The following ZNF398 variants were observed in gnomAD, a reference collection of about 807,000 sequenced individuals.
ZNF398 encodes the protein zinc finger protein 398, also known as zinc finger DNA binding protein ZER6.
Under a neutral mutation model 41.9 loss-of-function variants are expected in ZNF398, and 18 were observed. That is an observed-to-expected ratio of 0.43 (90% confidence interval 0.30 to 0.64). The LOEUF is 0.64. Ranked by LOEUF, ZNF398 falls within the 30% of genes least tolerant of loss-of-function variation. ZNF398 has a pLI of 0.14. For missense variants in ZNF398, 669 were observed against 822.8 expected (o/e 0.81, Z 2.29); for synonymous variants, 260 against 308.8 (o/e 0.84, Z 1.66).
Position 149,134,064 on chromosome 7 carries a change from C to CT in ZNF398, c.-490+5137dup, listed in dbSNP as rs143211105. On this transcript the variant is annotated intron_variant, in intron 2 of 6. Transcript: ENST00000426851. Reference sequence around the variant, plus strand: ...CCGTGCTTGGCCATGCTGTTTTTGTCTTTTTTTTTTTTTTTTTGAGACGGA... The same window carrying CT: ...CCGTGCTTGGCCATGCTGTTTTTGTCTTTTTTTTTTTTTTTTTTGAGACGGA... Among the ~76,000 whole-genome samples the CT allele has an allele frequency of 8.1e-4, 104 of 128,528 alleles. 1 individual carries two copies. Among genetic ancestry groups the CT allele is most frequent in the African/African-American group, 1.4e-3 (49 of 34,322 alleles). The allele number at this position is 128,528 out of a possible 152,430, so 84.3% of individuals were successfully genotyped here. A position where few individuals can be genotyped will look rare whatever the true frequency, so the allele number is the denominator to read the frequency against.
chr7:149,159,628 A>G (rs60254196), intron 2 of ZNF398, among the ~76,000 whole-genome samples: 59,558 of 151,722 alleles, frequency 0.39, 14,513 homozygotes, highest in East Asian at 0.65. Context: ...AGCCTGGGCT[A>G]CAAAGTGAGA....
chr7:149,171,480 T>A (rs1395474958), intron 4 of ZNF398, among the ~76,000 whole-genome samples: 1 of 152,042 alleles, frequency 6.6e-6, no homozygotes, highest in Admixed American at 6.6e-5. Flanking sequence ...GTGATTCTCC[T>A]GCCTCAGCCT....
chr7:149,172,227 T>G (rs1795358969), intron 4 of ZNF398, among the ~76,000 whole-genome samples: 1 of 152,216 alleles, frequency 6.6e-6, no homozygotes, highest in African/African-American at 2.4e-5. Flanking sequence ...AACTGTGATC[T>G]GAAAATATTA....
At chr7:149,151,222 T>G (rs1182087684) in intron 1 of ZNF398, 2 of 1,215,378 alleles carry the variant, frequency 1.6e-6, no homozygotes, top group Admixed American at 5.8e-5. Context: ...CTTACTAATC[T>G]GCTTACAGGA....
chr7:149,175,406 G>A (rs1186621923), intron 4 of ZNF398, among the ~76,000 whole-genome samples: 1 of 151,942 alleles, frequency 6.6e-6, no homozygotes. Flanking sequence ...AGCTGTTTTG[G>A]TACTGATCAG....
chr7:149,140,572 C>G (rs1406170153), intron 2 of ZNF398, among the ~76,000 whole-genome samples: 1 of 151,952 alleles, frequency 6.6e-6, no homozygotes, highest in Admixed American at 6.6e-5. Context: ...TTAGTAGAGA[C>G]GGGGTTTCAT....
At chr7:149,127,487 A>G in intron 1 of ZNF398, among the ~76,000 whole-genome samples, 1 of 145,854 alleles carries the variant, frequency 6.9e-6, no homozygotes. Flanking sequence ...CGGGCGGATC[A>G]CGAGGTCAGG....
chr7:149,133,664 T>TAC (rs1248373576), intron 2 of ZNF398, among the ~76,000 whole-genome samples: 6 of 48,500 alleles, frequency 1.2e-4, no homozygotes, highest in Non-Finnish European at 2.4e-4. Context: ...AATATATATA[T>TAC]ATATATATAT....
chr7:149,158,468 A>G (rs781288229), intron 2 of ZNF398, among the ~76,000 whole-genome samples: 2 of 152,200 alleles, frequency 1.3e-5, no homozygotes, highest in Non-Finnish European at 2.9e-5. Flanking sequence ...CGTTTCTCAT[A>G]GAGAACCTTC....
intron 2 of ZNF398, among the ~76,000 whole-genome samples, chr7:149,140,826 GC>G (rs1193536764): frequency 2.6e-5 from 4 of 151,980 alleles, no homozygotes; most frequent in African/African-American, 9.7e-5. Flanking sequence ...CATCCCTTGA[GC>G]CCAAGAGTTG....
At chr7:149,130,429 T>C (rs115389491) in intron 2 of ZNF398, among the ~76,000 whole-genome samples, 115 of 152,370 alleles carry the variant, frequency 7.5e-4, no homozygotes, top group African/African-American at 2.5e-3. Context: ...ATAGAGCTGC[T>C]ATAAACATTT....
chr7:149,138,639 TAAATA>T (rs1489182718), intron 2 of ZNF398, among the ~76,000 whole-genome samples: 2 of 151,134 alleles, frequency 1.3e-5, no homozygotes, highest in Non-Finnish European at 3.0e-5. Flanking sequence ...ATTAAGAAAA[TAAATA>T]AATATTGTGT....
Position 149,147,877 on chromosome 7 carries a change from G to C in ZNF398, c.24+111G>C. 8.2e-7 allele frequency: 1 copy of C among 1,224,154 alleles called. No individual in the cohort carries two copies. The highest frequency in any genetic ancestry group is 1.0e-6 in the Non-Finnish European group (1 of 960,334). The allele number at this position is 1,224,154 out of a possible 1,614,324, so 75.8% of individuals were successfully genotyped here. On this transcript the variant is annotated intron_variant, in intron 1 of 5. Transcript: ENST00000475153. This position sits in a 1 kb window ranked among gnomAD's most constrained non-coding sequence, Gnocchi z 5.6. ...ATAGGCGCCGTTCTCGGGTCCCGCCGGCCACGTCGCCTGTCGCCCGTGCTT... is the reference window on the plus strand; with the variant it reads ...ATAGGCGCCGTTCTCGGGTCCCGCCCGCCACGTCGCCTGTCGCCCGTGCTT...
intron 2 of ZNF398, among the ~76,000 whole-genome samples, chr7:149,132,196 T>C (rs112674355): frequency 0.099 from 3,106 of 31,532 alleles, 102 homozygotes; most frequent in African/African-American, 0.16. Flanking sequence ...CTCTCTCTCT[T>C]TTTTTTTTTT....
intron 2 of ZNF398, among the ~76,000 whole-genome samples, chr7:149,141,039 C>CAAAA (rs60228279): frequency 8.3e-6 from 1 of 120,162 alleles, no homozygotes; most frequent in African/African-American, 3.3e-5. Context: ...CAGCCTGTCT[C>CAAAA]AAAAAAAAAA....
chr7:149,137,799 A>G (rs1369034895), intron 2 of ZNF398, among the ~76,000 whole-genome samples: 1 of 152,252 alleles, frequency 6.6e-6, no homozygotes, highest in Non-Finnish European at 1.5e-5. Context: ...TTTATGGGCA[A>G]GCACAATCAC....
chr7:149,166,291 C>G lies in ZNF398; in HGVS notation c.547+7C>G, dbSNP rs370445896. 1.2e-6 allele frequency: 2 copies of G among 1,610,054 alleles called. No homozygotes were observed. Among genetic ancestry groups the G allele is most frequent in the Non-Finnish European group, 1.7e-6 (2 of 1,178,878 alleles). On this transcript the variant is annotated splice_region_variant and intron_variant, in intron 3 of 5. Transcript: ENST00000475153. ...GAGTCTCTCATCTCCATGGGTGAGG[C>G]TGAGTTGACACCTTTTGAATGAAGT... is the stretch of plus-strand genomic sequence containing the variant.
rs541852838 is a variant in ZNF398, at chr7:149,129,078, G to A, written c.-490+134G>A. The A allele has an allele frequency of 4.2e-3, 643 of 152,078 alleles. 6 individuals carry two copies. The highest frequency in any genetic ancestry group is 6.0e-3 in the Non-Finnish European group (406 of 68,004). 9.4% of individuals were successfully genotyped at this position (152,078 alleles called of 1,614,324 possible). On this transcript the variant is annotated intron_variant, in intron 2 of 6. Coordinates refer to the ZNF398 transcript ENST00000426851. ...GCCTCCCAAAGTGCTGGGATTACAG[G>A]CATGAGCCACTGTGCCTGGCCCTAT...
intron 2 of ZNF398, among the ~76,000 whole-genome samples, chr7:149,162,415 C>T (rs1233019074): frequency 6.6e-6 from 1 of 152,150 alleles, no homozygotes. Context: ...ATCTCCTGAC[C>T]TCGTGATCCG....
Sources: allele counts gnomAD v4.1 joint callset (sites outside exome capture counted in the v4.1 genomes callset), GRCh38; gene constraint gnomAD v4.1.1; non-coding constraint Gnocchi (gnomAD v3.1); transcripts MANE v1.5; gene names NCBI Gene and HGNC (gene_info 2026-07-23, HGNC 2026-07-21).